SLIT3: variants seen among roughly 807,000 people sequenced by gnomAD.
SLIT3 encodes slit homolog 3 protein.
SLIT3 carries 68 observed loss-of-function variants against 184.0 expected under a neutral mutation model. The ratio of observed to expected loss-of-function variants is 0.37; its 90% CI spans 0.30 to 0.45. The LOEUF (loss-of-function observed/expected upper bound fraction) is 0.45, where lower values mean the gene tolerates loss of function less well. Ranked by LOEUF, SLIT3 falls within the 20% of genes least tolerant of loss-of-function variation. SLIT3 has a pLI of 1.00. For synonymous variants in SLIT3, 831 were observed against 828.6 expected (o/e 1.00, Z -0.05); for missense variants, 1,707 against 2,026.0 (o/e 0.84, Z 3.02).
chr5:169,229,681 A>C (rs1764931659), intron 3 of SLIT3, among the ~76,000 whole-genome samples: 1 of 132,586 alleles, frequency 7.5e-6, no homozygotes, highest in Admixed American at 7.5e-5. Flanking sequence ...CTTATTCATC[A>C]CTCTTGGGCC....
intron 20 of SLIT3, among the ~76,000 whole-genome samples, chr5:168,741,693 T>C (rs1475957956): frequency 6.6e-6 from 1 of 151,686 alleles, no homozygotes; most frequent in African/African-American, 2.4e-5. Flanking sequence ...GGGATACAAG[T>C]GAGAGGCACC....
intron 1 of SLIT3, among the ~76,000 whole-genome samples, chr5:169,271,287 G>A (rs1264255071): frequency 6.6e-6 from 1 of 152,172 alleles, no homozygotes; most frequent in Admixed American, 6.5e-5. Flanking sequence ...GGGCTCCAGT[G>A]CAACCCACAA....
At chr5:168,904,984 T>C (rs933132185) in intron 4 of SLIT3, among the ~76,000 whole-genome samples, 4 of 151,930 alleles carry the variant, frequency 2.6e-5, no homozygotes, top group African/African-American at 7.3e-5. Flanking sequence ...CTGGGCAACA[T>C]AGTAAAACCC....
At chr5:169,200,727 T>C (rs1013574699) in intron 3 of SLIT3, among the ~76,000 whole-genome samples, 8 of 152,228 alleles carry the variant, frequency 5.3e-5, no homozygotes, top group Non-Finnish European at 1.2e-4. Flanking sequence ...TTCCCACTAG[T>C]TGTTTACTGT....
intron 4 of SLIT3, among the ~76,000 whole-genome samples, chr5:168,902,545 G>A (rs918407049): frequency 1.3e-5 from 2 of 152,168 alleles, no homozygotes; most frequent in Admixed American, 1.3e-4. Flanking sequence ...GTGTGTTAGT[G>A]GGGGACTGAT....
At chr5:168,979,228 G>T (rs1276219159) in intron 4 of SLIT3, among the ~76,000 whole-genome samples, 1 of 152,222 alleles carries the variant, frequency 6.6e-6, no homozygotes, top group Admixed American at 6.5e-5. Flanking sequence ...TCAAAGCTTT[G>T]ATTTTAAACG....
chr5:169,163,472 G>A (rs1267233250), intron 4 of SLIT3, among the ~76,000 whole-genome samples: 1 of 152,156 alleles, frequency 6.6e-6, no homozygotes, highest in Non-Finnish European at 1.5e-5. Context: ...CCCGACACAG[G>A]CTTTCTGAGC....
chr5:168,912,895 C>G (rs1008893134), intron 4 of SLIT3, among the ~76,000 whole-genome samples: 1 of 152,172 alleles, frequency 6.6e-6, no homozygotes, highest in African/African-American at 2.4e-5. Flanking sequence ...TCTCCCTCCC[C>G]TTTGTGCCAT....
chr5:169,211,677 A>G (rs901124452), intron 3 of SLIT3, among the ~76,000 whole-genome samples: 1 of 152,168 alleles, frequency 6.6e-6, no homozygotes, highest in Non-Finnish European at 1.5e-5. Context: ...TCTGGGGTAC[A>G]TGTGCAGAAT....
In SLIT3 at chr5:168,671,244, C is replaced by T. The variant is rs775131987; in HGVS notation, c.4081G>A (p.Gly1361Ser). ...VVCECRPGWT[G>S]PLCDQEARDP... ...CGGGCCTCCTGATCGCAGAGTGGGC[C>T]GGTCCAGCCTGGGCGGCACTCGCAC... Residue 1361 changes from glycine (G) to serine (S), a missense_variant, in exon 34 of 36, where the codon GGC (glycine) becomes AGC (serine). Physicochemically the swap from Gly to Ser is moderately conservative, Grantham distance 56 (BLOSUM62 0). Transcript: ENST00000519560. 6.2e-6 allele frequency: 10 copies of T among 1,612,484 alleles called. No individual in the cohort carries two copies. The highest frequency in any genetic ancestry group is 1.3e-5 in the African/African-American group (1 of 74,910).
rs1397558782 is a variant in SLIT3 at position 168,692,621 on chromosome 5, C to T, written c.3162G>A (p.Leu1054=). The T allele has an allele frequency of 3.1e-6, 5 of 1,613,640 alleles. No homozygotes were observed. Among genetic ancestry groups the T allele is most frequent in the Non-Finnish European group, 3.4e-6 (4 of 1,179,704 alleles). Residue 1054 remains leucine, a synonymous_variant, in exon 29 of 36, where the codon CTG becomes CTA. Transcript: ENST00000519560. Reference sequence around the variant, plus strand: ...CCAGGTCTTACCTGAATCCTTTGTCCAGGGGGATGCACTTGGCCTCATGCT... The same window carrying T: ...CCAGGTCTTACCTGAATCCTTTGTCTAGGGGGATGCACTTGGCCTCATGCT... ...LCQHEAKCIP[L]DKGFSCECVP... is the part of the protein sequence containing the mutation.
At chr5:169,107,168 C>T (rs1760243380) in intron 4 of SLIT3, among the ~76,000 whole-genome samples, 1 of 152,208 alleles carries the variant, frequency 6.6e-6, no homozygotes, top group Non-Finnish European at 1.5e-5. Flanking sequence ...CTGGACCCTG[C>T]TCCTGGCTGC....
chr5:169,050,628 A>AATGTTAGGATTTGTTT (rs1757783063), intron 4 of SLIT3, among the ~76,000 whole-genome samples: 1 of 152,156 alleles, frequency 6.6e-6, no homozygotes. Context: ...AATGCCAATT[A>AATGTTAGGATTTGTTT]ATGTTAGGAT....
intron 4 of SLIT3, among the ~76,000 whole-genome samples, chr5:168,995,133 A>C (rs1040539610): frequency 2.6e-5 from 4 of 152,206 alleles, no homozygotes; most frequent in Admixed American, 1.3e-4. Flanking sequence ...TAAGAGTCCC[A>C]TCTTCTGTAC....
chr5:168,887,293 G>A (rs1381901486), intron 4 of SLIT3, among the ~76,000 whole-genome samples: 1 of 152,112 alleles, frequency 6.6e-6, no homozygotes, highest in African/African-American at 2.4e-5. Context: ...AGGAAATCCT[G>A]TCTGTGTTAA....
intron 4 of SLIT3, among the ~76,000 whole-genome samples, chr5:169,147,042 T>C (rs1761948787): frequency 6.6e-6 from 1 of 152,216 alleles, no homozygotes; most frequent in African/African-American, 2.4e-5. Flanking sequence ...ATGTCAATTG[T>C]TATTGTCTGT....
intron 3 of SLIT3, among the ~76,000 whole-genome samples, chr5:169,210,801 G>GT (rs764213792): frequency 2.0e-5 from 3 of 152,228 alleles, no homozygotes; most frequent in Non-Finnish European, 4.4e-5. Flanking sequence ...CTGGTTCATT[G>GT]TTTCCAATTC....
chr5:168,924,475 C>T (rs1477934898), intron 4 of SLIT3, among the ~76,000 whole-genome samples: 2 of 151,270 alleles, frequency 1.3e-5, no homozygotes, highest in South Asian at 2.1e-4. Context: ...TAATAAGGAA[C>T]ATTTAAGGGT....
At chr5:169,131,516 C>A (rs974921616) in intron 4 of SLIT3, among the ~76,000 whole-genome samples, 1 of 152,184 alleles carries the variant, frequency 6.6e-6, no homozygotes, top group Non-Finnish European at 1.5e-5. Flanking sequence ...CCCTAAGTCC[C>A]TTTTATCTCT....
Sources: allele counts gnomAD v4.1 joint callset (sites outside exome capture counted in the v4.1 genomes callset), GRCh38; gene constraint gnomAD v4.1.1; transcripts MANE v1.5; gene names NCBI Gene and HGNC (gene_info 2026-07-23, HGNC 2026-07-21).